The following DPYSL2 variants were observed in gnomAD, a reference collection of about 807,000 sequenced individuals.
The protein encoded by DPYSL2 is dihydropyrimidinase-related protein 2.
A neutral mutation model predicts 69.9 loss-of-function variants in DPYSL2; 13 were observed. The observed-to-expected ratio is 0.19, with a 90% confidence interval of 0.12 to 0.30. The LOEUF is 0.30. Ranked by LOEUF, DPYSL2 falls within the 10% of genes least tolerant of loss-of-function variation. The pLI, the probability that DPYSL2 is intolerant of heterozygous loss-of-function variation, is 1.00. For synonymous variants in DPYSL2, 326 were observed against 359.1 expected (o/e 0.91, Z 1.04); for missense variants, 587 against 918.9 (o/e 0.64, Z 4.67).
In DPYSL2 at chr8:26,601,686, T is replaced by C. The variant is rs538397152; in HGVS notation, c.628+17703T>C. Among the ~76,000 whole-genome samples, 12 of 152,342 alleles carry C rather than the reference T, an allele frequency of 7.9e-5. No individual in the cohort carries two copies. The South Asian group carries it at 2.3e-3, about 29-fold the overall frequency. On this transcript the variant is annotated intron_variant, in intron 3 of 13. Transcript: ENST00000521913. ...GCCACAGCGCCTGGGCCCTCTCTTA[T>C]AGGAACTTCAGGTGCTAATGTTGCA...
rs1563384918 is a variant in DPYSL2, at chr8:26,556,151, CTATATATAGTATAT to C, written c.355-25817_355-25804del. ...TTATATATACTATATATAGTATATACTATATATAGTATATACTATATATAGTATATACTATATAT... is the reference window on the plus strand; with the variant it reads ...TTATATATACTATATATAGTATATACACTATATATAGTATATACTATATAT... On this transcript the variant is annotated intron_variant, in intron 1 of 13. Transcript: ENST00000521913. Among the ~76,000 whole-genome samples, 2 of 3,122 alleles carry C rather than the reference CTATATATAGTATAT, an allele frequency of 6.4e-4. 1 individual carries two copies. The highest frequency in any genetic ancestry group is 1.2e-3 in the African/African-American group (2 of 1,698). 2.0% of individuals were successfully genotyped at this position (3,122 alleles called of 152,430 possible).
At chr8:26,523,394 T>C (rs1808422236) in intron 1 of DPYSL2, among the ~76,000 whole-genome samples, 1 of 152,192 alleles carries the variant, frequency 6.6e-6, no homozygotes, top group Non-Finnish European at 1.5e-5. Flanking sequence ...TATATTCACA[T>C]TGTTGTGCAA....
In DPYSL2 at chr8:26,621,227, G is replaced by A. The variant is rs532831257; in HGVS notation, c.629-2916G>A. On this transcript the variant is annotated intron_variant, in intron 3 of 13. Transcript: ENST00000521913. The surrounding 1 kb of genome is among the most constrained non-coding windows in gnomAD (Gnocchi z 4.9). Reference sequence around the variant, plus strand: ...ATTTGAATAGGTTGATTTTGGGGTGGTGGTGGTAATGGGATTATTAACTTT... The same window carrying A: ...ATTTGAATAGGTTGATTTTGGGGTGATGGTGGTAATGGGATTATTAACTTT... 2.0e-5 allele frequency among the ~76,000 whole-genome samples: 3 copies of A among 152,314 alleles called. No individual in the cohort carries two copies. Among genetic ancestry groups the A allele is most frequent in the Admixed American group, 2.0e-4 (3 of 15,306 alleles).
chr8:26,553,734 A>G (rs569370756), intron 1 of DPYSL2, among the ~76,000 whole-genome samples: 1 of 152,230 alleles, frequency 6.6e-6, no homozygotes, highest in East Asian at 1.9e-4. Context: ...CTTTGGGTAT[A>G]TACCCAGTAG....
rs1305238147 is a variant in DPYSL2 at position 26,598,276 on chromosome 8, C to T, written c.628+14293C>T. 1.3e-5 allele frequency among the ~76,000 whole-genome samples: 2 copies of T among 152,200 alleles called. No homozygotes were observed. Among genetic ancestry groups the T allele is most frequent in the African/African-American group, 4.8e-5 (2 of 41,444 alleles). On this transcript the variant is annotated intron_variant, in intron 3 of 13. Coordinates refer to ENST00000521913, the MANE Select transcript of DPYSL2 (RefSeq NM_001197293.3). This position sits in a 1 kb window ranked among gnomAD's most constrained non-coding sequence, Gnocchi z 4.2. ...AGCAGCCATCGCATTACATCATCTA[C>T]CTTTTCTTGTGTTCTTCTGTCGTCG...
chr8:26,629,894 G>T (rs1484732299), intron 7 of DPYSL2, among the ~76,000 whole-genome samples: 2 of 152,170 alleles, frequency 1.3e-5, no homozygotes, highest in African/African-American at 4.8e-5. Context: ...ACCGCGCCCG[G>T]CCGAGGCTGA....
rs1462731963 is a variant in DPYSL2, at chr8:26,580,015, A to G, written c.355-1954A>G. ...ATTATCATAGGACCTATAGCATGGT[A>G]TTCCTCCCTCCCTCACCACTGGCAG... is the stretch of plus-strand genomic sequence containing the variant. On this transcript the variant is annotated intron_variant, in intron 1 of 13. Transcript: ENST00000521913. This position sits in a 1 kb window ranked among gnomAD's most constrained non-coding sequence, Gnocchi z 4.1. Among the ~76,000 whole-genome samples, 1 of 141,096 alleles carries G rather than the reference A, an allele frequency of 7.1e-6. No individual in the cohort carries two copies. Among genetic ancestry groups the G allele is most frequent in the Non-Finnish European group, 1.5e-5 (1 of 66,172 alleles). 92.6% of individuals were successfully genotyped at this position (141,096 alleles called of 152,430 possible).
chr8:26,612,887 G>A (rs1425939194), intron 3 of DPYSL2, among the ~76,000 whole-genome samples: 1 of 152,316 alleles, frequency 6.6e-6, no homozygotes, highest in East Asian at 1.9e-4. Flanking sequence ...ACAGCAGCAG[G>A]CAAGTCCCGT....
chr8:26,651,773 C>T (rs146621821), intron 11 of DPYSL2, among the ~76,000 whole-genome samples: 6 of 152,332 alleles, frequency 3.9e-5, no homozygotes, highest in East Asian at 1.9e-4. Context: ...TCAGTGACCA[C>T]AATCCTTTCA....
intron 7 of DPYSL2, among the ~76,000 whole-genome samples, chr8:26,631,499 G>A (rs1802772417): frequency 6.6e-6 from 1 of 152,190 alleles, no homozygotes. Context: ...ATTACAATTT[G>A]AGATGAGATT....
rs1175415056 is a variant in DPYSL2, at chr8:26,598,339, T to C, written c.628+14356T>C. ...AATGGTCAGCATTGCTATGAAATGG[T>C]TTATTTTTTTGTGGATGTTTTAGAG... On this transcript the variant is annotated intron_variant, in intron 3 of 13. Transcript: ENST00000521913. This position sits in a 1 kb window ranked among gnomAD's most constrained non-coding sequence, Gnocchi z 4.2. Among the ~76,000 whole-genome samples, 1 of 152,230 alleles carries C rather than the reference T, an allele frequency of 6.6e-6. No individual in the cohort carries two copies. Among genetic ancestry groups the C allele is most frequent in the Non-Finnish European group, 1.5e-5 (1 of 68,044 alleles).
chr8:26,626,517 ACACACG>A lies in DPYSL2; in HGVS notation c.794-99_794-94del, dbSNP rs140695430. Reference sequence around the variant, plus strand: ...CACACACACACACACACACACACACACACACGTACACACACAGACAGTATTATCACT... The same window carrying A: ...CACACACACACACACACACACACACATACACACACAGACAGTATTATCACT... On this transcript the variant is annotated intron_variant, in intron 4 of 13. Coordinates refer to ENST00000521913, the MANE Select transcript of DPYSL2 (RefSeq NM_001197293.3). The surrounding 1 kb of genome is among the most constrained non-coding windows in gnomAD (Gnocchi z 4.3). 30 of 923,228 alleles carry A rather than the reference ACACACG, an allele frequency of 3.2e-5. No homozygotes were observed. Among genetic ancestry groups the A allele is most frequent in the East Asian group, 7.5e-5 (3 of 40,078 alleles). The allele number at this position is 923,228 out of a possible 1,614,324, so 57.2% of individuals were successfully genotyped here. A position where few individuals can be genotyped will look rare whatever the true frequency, so the allele number is the denominator to read the frequency against.
rs555211723 is a variant in DPYSL2 at position 26,597,238 on chromosome 8, T to G, written c.628+13255T>G. Among the ~76,000 whole-genome samples the G allele has an allele frequency of 7.9e-5, 12 of 152,198 alleles. No homozygotes were observed. Among genetic ancestry groups the G allele is most frequent in the African/African-American group, 2.9e-4 (12 of 41,456 alleles). On this transcript the variant is annotated intron_variant, in intron 3 of 13. Coordinates refer to ENST00000521913, the MANE Select transcript of DPYSL2 (RefSeq NM_001197293.3). The surrounding 1 kb of genome is among the most constrained non-coding windows in gnomAD (Gnocchi z 5.2). ...CAATCAAGAGGAGTAACTGATGCCA[T>G]GCATTCATCAACTGAACTTAATCCT...
In DPYSL2 at chr8:26,597,409, G is replaced by A. The variant is rs1801887161; in HGVS notation, c.628+13426G>A. 6.6e-6 allele frequency among the ~76,000 whole-genome samples: 1 copy of A among 152,204 alleles called. No homozygotes were observed. Among genetic ancestry groups the A allele is most frequent in the Admixed American group, 6.5e-5 (1 of 15,284 alleles). ...ATCGCTTTGGCGTGGGCTTTTATGA[G>A]GTTCATTAGGCTCAGCACCTCCCAT... On this transcript the variant is annotated intron_variant, in intron 3 of 13. Coordinates refer to ENST00000521913, the MANE Select transcript of DPYSL2 (RefSeq NM_001197293.3). The surrounding 1 kb of genome is among the most constrained non-coding windows in gnomAD (Gnocchi z 5.2).
In DPYSL2 at chr8:26,641,574, G is replaced by A. The variant is rs1028295985; in HGVS notation, c.1127-1865G>A. The stretch of plus-strand genomic sequence containing the variant: ...TCATTATGTGGTGTTTTTCCACTTC[G>A]GGATGAACCGGAGTGGTTTGTGCAG... On this transcript the variant is annotated intron_variant, in intron 8 of 13. Coordinates refer to ENST00000521913, the MANE Select transcript of DPYSL2 (RefSeq NM_001197293.3). The surrounding 1 kb of genome is among the most constrained non-coding windows in gnomAD (Gnocchi z 4.1). Among the ~76,000 whole-genome samples, 1 of 152,208 alleles carries A rather than the reference G, an allele frequency of 6.6e-6. No individual in the cohort carries two copies. The highest frequency in any genetic ancestry group is 1.5e-5 in the Non-Finnish European group (1 of 68,024).
intron 11 of DPYSL2, among the ~76,000 whole-genome samples, chr8:26,649,952 T>C (rs945668953): frequency 6.6e-6 from 1 of 152,122 alleles, no homozygotes; most frequent in African/African-American, 2.4e-5. Context: ...TTAAAAATGA[T>C]AGATGGCCCC....
intron 3 of DPYSL2, among the ~76,000 whole-genome samples, chr8:26,612,672 C>T (rs1802258751): frequency 6.6e-6 from 1 of 152,230 alleles, no homozygotes; most frequent in South Asian, 2.1e-4. Flanking sequence ...GGCTTTTTCT[C>T]ATGCACATTA....
chr8:26,556,029 TAA>T (rs1563384649), intron 1 of DPYSL2, among the ~76,000 whole-genome samples: 1 of 102,930 alleles, frequency 9.7e-6, no homozygotes, highest in Non-Finnish European at 1.8e-5. Context: ...AATATATATA[TAA>T]GTATATATAT....
At position 26,585,251 on chromosome 8, in the gene DPYSL2, C is replaced by T. The variant is rs1046331032; in HGVS notation, c.628+1268C>T. On this transcript the variant is annotated intron_variant, in intron 3 of 13. Coordinates refer to ENST00000521913, the MANE Select transcript of DPYSL2 (RefSeq NM_001197293.3). This position sits in a 1 kb window ranked among gnomAD's most constrained non-coding sequence, Gnocchi z 4.0. ...AAACCTTTCTTACTGGTTATTTTTCCGAGTGGTGGTCTTTTTGCTTGTGGC... is the reference window on the plus strand; with the variant it reads ...AAACCTTTCTTACTGGTTATTTTTCTGAGTGGTGGTCTTTTTGCTTGTGGC... Among the ~76,000 whole-genome samples, 6 of 152,040 alleles carry T rather than the reference C, an allele frequency of 3.9e-5. No individual in the cohort carries two copies. Among genetic ancestry groups the T allele is most frequent in the African/African-American group, 1.2e-4 (5 of 41,382 alleles).
Sources: gnomAD v4.1 joint callset for allele counts (sites outside exome capture counted in the v4.1 genomes callset) on GRCh38, gnomAD v4.1.1 for gene constraint, Gnocchi (gnomAD v3.1) non-coding constraint, MANE v1.5 for transcripts, NCBI Gene and HGNC (gene_info 2026-07-23, HGNC 2026-07-21) for gene names.